ANXA10: variants seen among roughly 807,000 people sequenced by gnomAD.
The protein encoded by ANXA10 is annexin 14.
ANXA10 carries 49 observed loss-of-function variants against 53.5 expected under a neutral mutation model. The observed-to-expected ratio is 0.92, with a 90% confidence interval of 0.73 to 1.16. The LOEUF (loss-of-function observed/expected upper bound fraction) is 1.16, where lower values mean the gene tolerates loss of function less well. Among genes scored for constraint, ANXA10 ranks in the 50% most tolerant of loss-of-function variants. The pLI is 0.00. For synonymous variants in ANXA10, 131 were observed against 128.9 expected, an observed-to-expected ratio of 1.02 and a Z score of -0.11; for missense variants, 393 against 394.4, an observed-to-expected ratio of 1.00 and a Z score of 0.03.
chr4:168,178,051 A>G lies in ANXA10; in HGVS notation c.628+68A>G, dbSNP rs983554388. 9.2e-6 allele frequency: 13 copies of G among 1,411,564 alleles called. No homozygotes were observed. The Admixed American group carries it at 1.1e-4, about 12-fold the overall frequency. 87.4% of individuals were successfully genotyped at this position (1,411,564 alleles called of 1,614,324 possible). On this transcript the variant is annotated intron_variant, in intron 8 of 11. Coordinates refer to ENST00000359299, the MANE Select transcript of ANXA10 (RefSeq NM_007193.5). ...TATAACAAAAAGAAGGTGGTTAACT[A>G]GAAACAAAAATGAAATATTACAAGG...
chr4:168,149,233 T>A (rs1268019301), intron 3 of ANXA10, among the ~76,000 whole-genome samples: 2 of 152,220 alleles, frequency 1.3e-5, no homozygotes, highest in Admixed American at 6.5e-5. Context: ...TCTCTCCTAC[T>A]GTAAATCCTT....
chr4:168,118,691 A>G (rs571099624), intron 1 of ANXA10, among the ~76,000 whole-genome samples: 1 of 152,302 alleles, frequency 6.6e-6, no homozygotes, highest in South Asian at 2.1e-4. Context: ...CCATTTCATG[A>G]TGGGGAAGCA....
At chr4:168,106,278 A>T (rs984110847) in intron 1 of ANXA10, among the ~76,000 whole-genome samples, 5 of 152,118 alleles carry the variant, frequency 3.3e-5, no homozygotes, top group East Asian at 3.8e-4. Flanking sequence ...ATGATATTTT[A>T]AAAACATTTA....
intron 3 of ANXA10, among the ~76,000 whole-genome samples, chr4:168,151,462 T>C (rs186092462): frequency 5.4e-4 from 83 of 152,334 alleles, no homozygotes; most frequent in Middle Eastern, 3.4e-3. Context: ...TGCAGTTTCA[T>C]TGGCAACACA....
intron 1 of ANXA10, among the ~76,000 whole-genome samples, chr4:168,118,538 G>T (rs1304976464): frequency 6.6e-6 from 1 of 152,130 alleles, no homozygotes; most frequent in Non-Finnish European, 1.5e-5. Flanking sequence ...CACTAGTAGT[G>T]TTCTGTTTTT....
At chr4:168,182,318 A>ATTTTTTTT (rs542260478) in intron 10 of ANXA10, among the ~76,000 whole-genome samples, 3,426 of 49,758 alleles carry the variant, frequency 0.069, 1,056 homozygotes, top group African/African-American at 0.11. Context: ...TGGAGCATTA[A>ATTTTTTTT]TTTTTTTTTT....
intron 3 of ANXA10, among the ~76,000 whole-genome samples, chr4:168,148,864 T>C (rs1020882105): frequency 1.3e-5 from 2 of 152,188 alleles, no homozygotes; most frequent in Non-Finnish European, 1.5e-5. Context: ...AATATTTTTA[T>C]TATTTCCTCA....
chr4:168,141,706 A>G (rs1478159630), intron 3 of ANXA10, among the ~76,000 whole-genome samples: 3 of 152,140 alleles, frequency 2.0e-5, no homozygotes, highest in Non-Finnish European at 4.4e-5. Context: ...GACATTCTGA[A>G]AGATGAGGCA....
chr4:168,128,174 G>A lies in ANXA10; in HGVS notation c.100+9G>A. On this transcript the variant is annotated intron_variant, in intron 2 of 11. Coordinates refer to ENST00000359299, the MANE Select transcript of ANXA10 (RefSeq NM_007193.5). ...AGCACTCCAAGGATTTGGTAAGTCT[G>A]ATTATTTCTACCATCTTTTATTGTG... The A allele has an allele frequency of 1.2e-6, 2 of 1,603,174 alleles. No individual in the cohort carries two copies. Among genetic ancestry groups the A allele is most frequent in the Non-Finnish European group, 1.7e-6 (2 of 1,171,296 alleles).
chr4:168,100,350 G>A (rs1456956899), intron 1 of ANXA10, among the ~76,000 whole-genome samples: 1 of 152,088 alleles, frequency 6.6e-6, no homozygotes, highest in African/African-American at 2.4e-5. Context: ...GATTCATCAT[G>A]AAATTGTACT....
intron 9 of ANXA10, among the ~76,000 whole-genome samples, chr4:168,179,852 C>T (rs940365465): frequency 2.6e-5 from 4 of 152,144 alleles, no homozygotes; most frequent in Non-Finnish European, 5.9e-5. Context: ...GATATCCCTC[C>T]ATAGAGGACA....
chr4:168,159,468 T>A (rs1296858461), intron 3 of ANXA10, among the ~76,000 whole-genome samples: 2 of 152,210 alleles, frequency 1.3e-5, no homozygotes, highest in Non-Finnish European at 2.9e-5. Context: ...AGGATTTACT[T>A]TACCCCTTCC....
In ANXA10 at chr4:168,143,679, G is replaced by A. The variant is rs183053125; in HGVS notation, c.195+4099G>A. 5.0e-3 allele frequency among the ~76,000 whole-genome samples: 768 copies of A among 152,288 alleles called. 1 individual carries two copies. Among genetic ancestry groups the A allele is most frequent in the Middle Eastern group, 0.02 (6 of 294 alleles). On this transcript the variant is annotated intron_variant, in intron 3 of 11. Transcript: ENST00000359299. ...TGATTCTTGGAGAAGTTCAAATTCA[G>A]CATTGATGCAATTAATTTTCTCATT...
intron 6 of ANXA10, among the ~76,000 whole-genome samples, chr4:168,165,957 G>A (rs1224789428): frequency 6.6e-6 from 1 of 152,210 alleles, no homozygotes; most frequent in East Asian, 1.9e-4. Flanking sequence ...AATTACAGGC[G>A]TGAGCCACCA....
intron 8 of ANXA10, 115 bp from the exon 9 acceptor site, chr4:168,179,102 C>G: frequency 1.5e-6 from 1 of 654,792 alleles, no homozygotes; most frequent in Non-Finnish European, 2.6e-6. Flanking sequence ...GAATTGATAA[C>G]AGTAGTACTT....
chr4:168,130,431 CTTT>C (rs1731139550), intron 2 of ANXA10, among the ~76,000 whole-genome samples: 1 of 151,976 alleles, frequency 6.6e-6, no homozygotes. Flanking sequence ...CAGTAATTTT[CTTT>C]TCTTGTTGTG....
At chr4:168,102,292 C>T (rs541136051) in intron 1 of ANXA10, among the ~76,000 whole-genome samples, 5 of 152,064 alleles carry the variant, frequency 3.3e-5, no homozygotes, top group African/African-American at 1.2e-4. Flanking sequence ...ACAAAATGTG[C>T]TTTTTGTGGT....
At chr4:168,095,094 T>G (rs1730519168) in intron 1 of ANXA10, among the ~76,000 whole-genome samples, 1 of 152,076 alleles carries the variant, frequency 6.6e-6, no homozygotes, top group East Asian at 1.9e-4. Context: ...TACTATACAG[T>G]GTACTTGCCC....
intron 6 of ANXA10, 81 bp downstream of exon 6, chr4:168,165,407 TAGAAC>T (rs1731859973): frequency 9.6e-6 from 5 of 518,540 alleles, no homozygotes; most frequent in East Asian, 3.8e-5. Flanking sequence ...AAAAAAAAAA[TAGAAC>T]AGAAAACTCC....
Sources: gnomAD v4.1 joint callset for allele counts (sites outside exome capture counted in the v4.1 genomes callset) on GRCh38, gnomAD v4.1.1 for gene constraint, MANE v1.5 for transcripts, NCBI Gene and HGNC (gene_info 2026-07-23, HGNC 2026-07-21) for gene names.